ACACA: variants seen among roughly 807,000 people sequenced by gnomAD.
The protein encoded by ACACA is acetyl-CoA carboxylase 1.
In ACACA, 103 loss-of-function variants were observed where a neutral mutation model predicts 296.1. The ratio of observed to expected loss-of-function variants is 0.35; its 90% CI spans 0.30 to 0.41. The LOEUF (loss-of-function observed/expected upper bound fraction) is 0.41, where lower values mean the gene tolerates loss of function less well. ACACA is among the 10% of genes least tolerant of loss of function. ACACA has a pLI of 1.00. For missense variants in ACACA, 1,554 were observed against 2,989.7 expected (o/e 0.52, Z 11.20); for synonymous variants, 953 against 1,038.6 (o/e 0.92, Z 1.58).
intron 1 of ACACA, among the ~76,000 whole-genome samples, chr17:37,350,630 G>A (rs993869793): frequency 2.0e-4 from 31 of 151,970 alleles, no homozygotes; most frequent in African/African-American, 7.2e-4. Flanking sequence ...ACCTGAGATT[G>A]GGAGTTTGAG....
chr17:37,157,268 G>A (rs1284849787), intron 42 of ACACA, among the ~76,000 whole-genome samples: 1 of 152,208 alleles, frequency 6.6e-6, no homozygotes, highest in African/African-American at 2.4e-5. Context: ...GGTAGAAGGA[G>A]CAGCAAGTAC....
At chr17:37,135,404 G>T (rs1321209992) in intron 45 of ACACA, among the ~76,000 whole-genome samples, 1 of 152,176 alleles carries the variant, frequency 6.6e-6, no homozygotes, top group Non-Finnish European at 1.5e-5. Flanking sequence ...GTAGAGAAGG[G>T]GCTCGGTGAC....
Position 37,241,973 on chromosome 17 carries a change from G to A in ACACA, c.3012C>T (p.Ser1004=). Residue 1004 remains serine, a synonymous_variant, in exon 23 of 56, where the codon AGC becomes AGT. Transcript: ENST00000616317. ...ACTACCTCTGTACCAGCTGAACAAT[G>A]CTCTGAGTATTCATAAAGAAGACTT... ...EREVFFMNTQ[S]IVQLVQRYRS... 2 of 1,613,502 alleles carry A rather than the reference G, an allele frequency of 1.2e-6. No individual in the cohort carries two copies.
At chr17:37,349,131 G>A (rs920599957) in intron 1 of ACACA, among the ~76,000 whole-genome samples, 1 of 150,576 alleles carries the variant, frequency 6.6e-6, no homozygotes. Context: ...CGTGATCGCC[G>A]CTCACTGCAA....
chr17:37,326,328 G>A (rs572897447), intron 3 of ACACA, among the ~76,000 whole-genome samples: 1 of 152,072 alleles, frequency 6.6e-6, no homozygotes, highest in East Asian at 1.9e-4. Flanking sequence ...CTGAGGTTGG[G>A]AGTTCGAGTC....
chr17:37,161,748 C>T lies in ACACA; in HGVS notation c.5349+33G>A, dbSNP rs2076470131. On this transcript the variant is annotated intron_variant, in intron 42 of 55. Coordinates refer to ENST00000616317, the MANE Select transcript of ACACA (RefSeq NM_198834.3). ...CCACACATGTAGCATAACCATATAG[C>T]ACCTTGAAGTAGTATATGCTCTTAG... is the stretch of plus-strand genomic sequence containing the variant. 2.5e-6 allele frequency: 4 copies of T among 1,603,196 alleles called. No individual in the cohort carries two copies. In the East Asian group the frequency reaches 8.9e-5, roughly 36 times the overall value.
intron 55 of ACACA, among the ~76,000 whole-genome samples, chr17:37,088,308 A>G (rs2072361869): frequency 6.6e-6 from 1 of 152,194 alleles, no homozygotes; most frequent in Non-Finnish European, 1.5e-5. Context: ...AGGCCATGAT[A>G]TATGTAACAC....
At chr17:37,390,140 G>GTATA (rs1243535532) in intron 1 of ACACA, among the ~76,000 whole-genome samples, 401 of 34,586 alleles carry the variant, frequency 0.012, 12 homozygotes, top group Middle Eastern at 0.031. Context: ...AAAAAAAAAA[G>GTATA]TATATATATA....
At chr17:37,192,047 C>A in intron 37 of ACACA, 43 bp downstream of exon 37, 1 of 1,576,146 alleles carries the variant, frequency 6.3e-7, no homozygotes, top group Non-Finnish European at 8.7e-7. Flanking sequence ...ATTATTCTGT[C>A]CCTTCCCTCA....
chr17:37,099,739 A>G (rs143113964), intron 52 of ACACA, among the ~76,000 whole-genome samples: 3 of 152,200 alleles, frequency 2.0e-5, no homozygotes, highest in Non-Finnish European at 4.4e-5. Context: ...TTCGGAGATG[A>G]GACATTCTCA....
chr17:37,337,836 G>A (rs191635515), intron 2 of ACACA, among the ~76,000 whole-genome samples: 1,846 of 152,170 alleles, frequency 0.012, 55 homozygotes, highest in African/African-American at 0.041. Context: ...AGTGGCTCAC[G>A]CCTGTAATCC....
chr17:37,295,586 C>T (rs2083288100), intron 3 of ACACA, among the ~76,000 whole-genome samples: 3 of 151,940 alleles, frequency 2.0e-5, no homozygotes, highest in South Asian at 2.1e-4. Context: ...GTCAGGAGTT[C>T]GAGACCAGCC....
At chr17:37,140,395 C>T (rs1384272354) in intron 45 of ACACA, among the ~76,000 whole-genome samples, 2 of 151,890 alleles carry the variant, frequency 1.3e-5, no homozygotes, top group South Asian at 2.1e-4. Flanking sequence ...TACCCTAATA[C>T]GCAATAACTT....
chr17:37,399,239 C>A (rs9898680), intron 1 of ACACA, among the ~76,000 whole-genome samples: 36,871 of 151,786 alleles, frequency 0.24, 4,595 homozygotes, highest in Middle Eastern at 0.37. Context: ...CCTCAGCCTC[C>A]CAAAGTGCTG....
chr17:37,352,493 G>A (rs989953342), intron 1 of ACACA, among the ~76,000 whole-genome samples: 3 of 151,910 alleles, frequency 2.0e-5, no homozygotes, highest in Non-Finnish European at 2.9e-5. Context: ...CAGGAAGATC[G>A]CTTGAGCCCA....
intron 1 of ACACA, among the ~76,000 whole-genome samples, chr17:37,347,631 G>A (rs766862887): frequency 7.9e-5 from 12 of 151,940 alleles, no homozygotes; most frequent in East Asian, 1.9e-4. Context: ...GGCCAGGTGC[G>A]GCGGCTCGCA....
chr17:37,322,767 C>T (rs981153480), intron 3 of ACACA, among the ~76,000 whole-genome samples: 1 of 152,090 alleles, frequency 6.6e-6, no homozygotes, highest in Non-Finnish European at 1.5e-5. Flanking sequence ...GTCTGGACAC[C>T]GAGGGGAATT....
intron 1 of ACACA, among the ~76,000 whole-genome samples, chr17:37,404,032 C>T (rs957036617): frequency 2.6e-5 from 4 of 152,172 alleles, no homozygotes; most frequent in African/African-American, 7.2e-5. Flanking sequence ...CTTGGCCTCC[C>T]AAACTGCTGG....
intron 10 of ACACA, among the ~76,000 whole-genome samples, chr17:37,267,832 C>T (rs2081862057): frequency 6.6e-6 from 1 of 151,648 alleles, no homozygotes. Flanking sequence ...ACAATCTCAG[C>T]TCACTGCAGC....
Sources: allele counts gnomAD v4.1 joint callset (sites outside exome capture counted in the v4.1 genomes callset), GRCh38; gene constraint gnomAD v4.1.1; transcripts MANE v1.5; gene names NCBI Gene and HGNC (gene_info 2026-07-23, HGNC 2026-07-21).